MLIP: variants seen among roughly 807,000 people sequenced by gnomAD.
MLIP encodes the protein muscular LMNA interacting protein.
A neutral mutation model predicts 84.8 loss-of-function variants in MLIP; 79 were observed. The ratio of observed to expected loss-of-function variants is 0.93; its 90% CI spans 0.78 to 1.12. MLIP has a LOEUF of 1.12. Ranked by LOEUF, MLIP falls within the 50% of genes most tolerant of loss-of-function variation. The pLI, the probability that MLIP is intolerant of heterozygous loss-of-function variation, is 0.00. For synonymous variants in MLIP, 504 were observed against 463.0 expected, an observed-to-expected ratio of 1.09 and a Z score of -1.14; for missense variants, 1,257 against 1,160.6, an observed-to-expected ratio of 1.08 and a Z score of -1.21.
intron 12 of MLIP, among the ~76,000 whole-genome samples, chr6:54,242,085 C>T (rs1421834587): frequency 1.3e-5 from 2 of 152,170 alleles, no homozygotes; most frequent in Non-Finnish European, 2.9e-5. Context: ...GGTTGGCATA[C>T]CTAGTCTGGA....
intron 1 of MLIP, among the ~76,000 whole-genome samples, chr6:54,073,198 C>G (rs1055027424): frequency 2.0e-5 from 3 of 152,168 alleles, no homozygotes; most frequent in Non-Finnish European, 2.9e-5. Flanking sequence ...CTTGGAGTTC[C>G]TTTTTGCAGT....
At chr6:54,113,394 A>T (rs1201954556) in intron 1 of MLIP, among the ~76,000 whole-genome samples, 1 of 152,168 alleles carries the variant, frequency 6.6e-6, no homozygotes, top group Non-Finnish European at 1.5e-5. Context: ...GCCCTAGAAG[A>T]TAATACATCT....
intron 1 of MLIP, among the ~76,000 whole-genome samples, chr6:54,040,115 CTTCATTAGTAA>C (rs887980544): frequency 6.6e-6 from 1 of 151,940 alleles, no homozygotes; most frequent in African/African-American, 2.4e-5. Flanking sequence ...TATTTACCTT[CTTCATTAGTAA>C]TTCATTAATC....
chr6:54,230,988 T>A, intron 12 of MLIP, 71 bp downstream of exon 12: 1 of 1,285,374 alleles, frequency 7.8e-7, no homozygotes, highest in Non-Finnish European at 1.1e-6. Flanking sequence ...TTTTAAAACT[T>A]AAATGTGGAG....
intron 10 of MLIP, among the ~76,000 whole-genome samples, chr6:54,200,341 C>T (rs924236892): frequency 6.6e-6 from 1 of 152,146 alleles, no homozygotes; most frequent in African/African-American, 2.4e-5. Context: ...TGCATAGTGA[C>T]ACCAAGCTTA....
chr6:54,038,124 A>G (rs1764547178), intron 1 of MLIP, among the ~76,000 whole-genome samples: 1 of 151,916 alleles, frequency 6.6e-6, no homozygotes, highest in Admixed American at 6.6e-5. Flanking sequence ...GAGTAAGGGG[A>G]CATACTAGAC....
intron 10 of MLIP, among the ~76,000 whole-genome samples, chr6:54,195,914 A>G (rs1403543065): frequency 6.6e-6 from 1 of 152,136 alleles, no homozygotes; most frequent in Non-Finnish European, 1.5e-5. Context: ...ACAACAATTT[A>G]TTTTAAATGA....
At chr6:54,061,472 C>T (rs970471275) in intron 1 of MLIP, among the ~76,000 whole-genome samples, 3 of 152,144 alleles carry the variant, frequency 2.0e-5, no homozygotes, top group Admixed American at 6.6e-5. Flanking sequence ...GTAGTATATG[C>T]CCTTCCCTAA....
intron 10 of MLIP, among the ~76,000 whole-genome samples, chr6:54,194,618 A>G (rs1778168141): frequency 6.6e-6 from 1 of 152,086 alleles, no homozygotes; most frequent in African/African-American, 2.4e-5. Context: ...TAGAATCAAC[A>G]TGCCATATTT....
intron 1 of MLIP, among the ~76,000 whole-genome samples, chr6:54,026,101 C>T (rs1388424702): frequency 6.6e-6 from 1 of 152,184 alleles, no homozygotes. Context: ...CCAGGATTCT[C>T]TGAGTTTCTG....
chr6:54,164,732 A>G (rs1022713830), intron 8 of MLIP, among the ~76,000 whole-genome samples: 4 of 151,838 alleles, frequency 2.6e-5, no homozygotes, highest in Non-Finnish European at 5.9e-5. Flanking sequence ...TAGTCACTTT[A>G]GCCTCTACTT....
chr6:54,199,425 C>T (rs1778519580), intron 10 of MLIP, among the ~76,000 whole-genome samples: 1 of 152,032 alleles, frequency 6.6e-6, no homozygotes, highest in African/African-American at 2.4e-5. Flanking sequence ...GTTTTTGATT[C>T]TATATTGATA....
chr6:54,258,231 A>G (rs1331088924), intron 13 of MLIP, among the ~76,000 whole-genome samples: 2 of 152,114 alleles, frequency 1.3e-5, no homozygotes, highest in Non-Finnish European at 2.9e-5. Flanking sequence ...GCATAATATA[A>G]AAGAGAAGTA....
intron 3 of MLIP, among the ~76,000 whole-genome samples, chr6:54,128,070 C>G (rs1346944287): frequency 1.3e-5 from 2 of 152,050 alleles, no homozygotes; most frequent in African/African-American, 4.8e-5. Context: ...TGTTCATTGA[C>G]AATATATGGG....
intron 1 of MLIP, among the ~76,000 whole-genome samples, chr6:54,023,183 A>AT (rs775373963): frequency 0.041 from 1,523 of 36,840 alleles, 22 homozygotes; most frequent in Non-Finnish European, 0.11. Flanking sequence ...TAATAATAAT[A>AT]ATAATAATAA....
chr6:54,037,990 T>C (rs1046945101), intron 1 of MLIP, among the ~76,000 whole-genome samples: 7 of 151,916 alleles, frequency 4.6e-5, no homozygotes, highest in African/African-American at 1.7e-4. Context: ...ATCGTCTAGA[T>C]CAATATATAT....
At chr6:54,176,410 T>C (rs1246141184) in intron 9 of MLIP, among the ~76,000 whole-genome samples, 1 of 152,062 alleles carries the variant, frequency 6.6e-6, no homozygotes, top group African/African-American at 2.4e-5. Flanking sequence ...AACTTTGATT[T>C]CATTAGTTGT....
At chr6:54,111,602 T>C in intron 1 of MLIP, 27 bp downstream of exon 1, 1 of 1,535,218 alleles carries the variant, frequency 6.5e-7, no homozygotes, top group Non-Finnish European at 8.7e-7. Context: ...GCTTAATGCT[T>C]TCAGTAACTT....
At chr6:54,107,018 T>A (rs181385616), upstream of MLIP, among the ~76,000 whole-genome samples, 11 of 152,302 alleles carry the variant, frequency 7.2e-5, no homozygotes, top group Non-Finnish European at 1.2e-4. Context: ...GAAACCAAGC[T>A]AAGAAAGTAA....
Sources: allele counts gnomAD v4.1 joint callset (sites outside exome capture counted in the v4.1 genomes callset), GRCh38; gene constraint gnomAD v4.1.1; transcripts MANE v1.5; gene names NCBI Gene and HGNC (gene_info 2026-07-23, HGNC 2026-07-21).